Variants in UNC5B observed in about 807,000 individuals in gnomAD.
The protein encoded by UNC5B is unc-5 netrin receptor B.
Under a neutral mutation model 103.7 loss-of-function variants are expected in UNC5B, and 56 were observed. The ratio of observed to expected loss-of-function variants is 0.54; its 90% CI spans 0.44 to 0.67. The LOEUF (loss-of-function observed/expected upper bound fraction) is 0.67. UNC5B is among the 30% of genes least tolerant of loss of function. UNC5B has a pLI of 0.00. For missense variants in UNC5B, 1,194 were observed against 1,284.5 expected (o/e 0.93, Z 1.08); for synonymous variants, 577 against 542.0 (o/e 1.06, Z -0.90).
chr10:71,297,176 C>G (rs766775721), intron 15 of UNC5B, among the ~76,000 whole-genome samples: 1 of 152,226 alleles, frequency 6.6e-6, no homozygotes, highest in Non-Finnish European at 1.5e-5. Flanking sequence ...CAAGTCTGAG[C>G]GGGTATCTGG....
chr10:71,221,304 G>A (rs1479647416), intron 1 of UNC5B, among the ~76,000 whole-genome samples: 4 of 152,148 alleles, frequency 2.6e-5, no homozygotes, highest in African/African-American at 7.2e-5. Context: ...GCCTGGGCAT[G>A]TGCGAGAAGG....
At chr10:71,283,671 C>T (rs552921072) in intron 2 of UNC5B, among the ~76,000 whole-genome samples, 1 of 152,306 alleles carries the variant, frequency 6.6e-6, no homozygotes, top group East Asian at 1.9e-4. Flanking sequence ...GGAGGAACTT[C>T]AGATGAATGT....
chr10:71,222,208 G>T (rs1843465882), intron 1 of UNC5B, among the ~76,000 whole-genome samples: 1 of 152,148 alleles, frequency 6.6e-6, no homozygotes, highest in African/African-American at 2.4e-5. Flanking sequence ...GTACGTGAAG[G>T]TATGGGTGTG....
chr10:71,271,180 A>C (rs942619630), intron 1 of UNC5B, among the ~76,000 whole-genome samples: 5 of 152,238 alleles, frequency 3.3e-5, no homozygotes, highest in Admixed American at 3.3e-4. Context: ...AGAGGACAGA[A>C]CAATAGCTGT....
At chr10:71,221,768 T>C (rs1843456835) in intron 1 of UNC5B, among the ~76,000 whole-genome samples, 1 of 152,234 alleles carries the variant, frequency 6.6e-6, no homozygotes, top group Non-Finnish European at 1.5e-5. Flanking sequence ...GAGGGCAGGC[T>C]GTGCAGTCAC....
intron 1 of UNC5B, among the ~76,000 whole-genome samples, chr10:71,242,236 A>C (rs967150129): frequency 2.0e-5 from 3 of 152,090 alleles, no homozygotes; most frequent in Non-Finnish European, 4.4e-5. Context: ...TTACTATGAC[A>C]TGTGACCTCG....
chr10:71,216,242 TG>T (rs1389896194), intron 1 of UNC5B, among the ~76,000 whole-genome samples: 8 of 152,174 alleles, frequency 5.3e-5, no homozygotes, highest in Non-Finnish European at 1.2e-4. Flanking sequence ...CCCACCATCA[TG>T]GGTGTGGGCT....
chr10:71,260,704 A>G (rs975663516), intron 1 of UNC5B, among the ~76,000 whole-genome samples: 1 of 152,234 alleles, frequency 6.6e-6, no homozygotes, highest in African/African-American at 2.4e-5. Flanking sequence ...GATCAAAGGC[A>G]CTATTGAAGA....
At chr10:71,257,819 T>A (rs73276382) in intron 1 of UNC5B, among the ~76,000 whole-genome samples, 2,785 of 152,318 alleles carry the variant, frequency 0.018, 95 homozygotes, top group African/African-American at 0.062. Context: ...TGGCCAGGTG[T>A]GCAGGGAACT....
Position 71,299,211 on chromosome 10 carries a change from G to A in UNC5B, c.2772G>A (p.Ala924=), listed in dbSNP as rs780937064. ...QQDDGDLNSL[A]SALEEMGKSE... is the part of the protein sequence containing the mutation. ...ACGATGGGGACCTCAACAGCCTGGC[G>A]AGTGCCTTGGAGGAGATGGGCAAGA... The change falls in exon 17 of 17, where the codon GCG becomes GCA. Residue 924 remains alanine, a synonymous_variant. Coordinates refer to ENST00000335350, the MANE Select transcript of UNC5B (RefSeq NM_170744.5). 40 of 1,614,136 alleles carry A rather than the reference G, an allele frequency of 2.5e-5. No homozygotes were observed. Among genetic ancestry groups the A allele is most frequent in the Non-Finnish European group, 2.8e-5 (33 of 1,180,052 alleles).
Position 71,291,565 on chromosome 10 carries a change from C to T in UNC5B, c.1428C>T (p.Pro476=), listed in dbSNP as rs143037129. 1.7e-5 allele frequency: 28 copies of T among 1,614,092 alleles called. No homozygotes were observed. The African/African-American group carries it at 3.5e-4, about 20-fold the overall frequency. Residue 476 remains proline (P), a synonymous_variant, in exon 10 of 17, where the codon CCC becomes CCT. Transcript: ENST00000335350. ...TGACCAACTCTCCTCTGCTGGACCCCTTACCCAGCCTTAAGGTCAAGGTCT... is the reference window on the plus strand; with the variant it reads ...TGACCAACTCTCCTCTGCTGGACCCTTTACCCAGCCTTAAGGTCAAGGTCT... The part of the protein sequence containing the change: ...IPMTNSPLLD[P]LPSLKVKVYS...
At chr10:71,298,137 A>C (rs774596915) in intron 16 of UNC5B, 47 bp downstream of exon 16, 8 of 1,539,186 alleles carry the variant, frequency 5.2e-6, no homozygotes, top group Non-Finnish European at 7.0e-6. Context: ...TTCGTCCTCA[A>C]GGTCTCACAG....
intron 1 of UNC5B, among the ~76,000 whole-genome samples, chr10:71,232,817 C>T (rs1843708515): frequency 6.6e-6 from 1 of 152,230 alleles, no homozygotes; most frequent in South Asian, 2.1e-4. Flanking sequence ...AGTGAATAAA[C>T]CAATTCCAGT....
At chr10:71,283,575 G>T (rs61851262) in intron 2 of UNC5B, among the ~76,000 whole-genome samples, 6,046 of 152,290 alleles carry the variant, frequency 0.04, 188 homozygotes, top group South Asian at 0.089. Context: ...ACACATCGTG[G>T]CAGGGAGGAG....
At chr10:71,235,744 A>C (rs1179507499) in intron 1 of UNC5B, among the ~76,000 whole-genome samples, 2 of 152,156 alleles carry the variant, frequency 1.3e-5, no homozygotes, top group African/African-American at 4.8e-5. Flanking sequence ...CCTGAAAAGG[A>C]AGGGCAGCTC....
chr10:71,242,286 A>G (rs886175000), intron 1 of UNC5B, among the ~76,000 whole-genome samples: 9 of 152,068 alleles, frequency 5.9e-5, no homozygotes, highest in Non-Finnish European at 1.2e-4. Flanking sequence ...CTTTGTAGGG[A>G]TGAGGAAGCT....
intron 1 of UNC5B, among the ~76,000 whole-genome samples, chr10:71,252,001 C>T (rs1844184566): frequency 6.6e-6 from 1 of 152,108 alleles, no homozygotes; most frequent in Non-Finnish European, 1.5e-5. Flanking sequence ...CCCTTCACCT[C>T]CTCCAACAAA....
chr10:71,222,918 C>T (rs765215830), intron 1 of UNC5B, among the ~76,000 whole-genome samples: 16 of 152,224 alleles, frequency 1.1e-4, no homozygotes, highest in Non-Finnish European at 2.1e-4. Context: ...GCAGAGCTTA[C>T]AAGAAATTGA....
intron 1 of UNC5B, among the ~76,000 whole-genome samples, chr10:71,246,404 T>A (rs1418809493): frequency 6.6e-6 from 1 of 151,676 alleles, no homozygotes; most frequent in Non-Finnish European, 1.5e-5. Context: ...GGGGCCAGGA[T>A]GGTAGGGGAG....
Sources: allele counts gnomAD v4.1 joint callset (sites outside exome capture counted in the v4.1 genomes callset), GRCh38; gene constraint gnomAD v4.1.1; transcripts MANE v1.5; gene names NCBI Gene and HGNC (gene_info 2026-07-23, HGNC 2026-07-21).